Variants in LHX8 observed in about 807,000 individuals in gnomAD.
LHX8 encodes the protein LIM homeobox 8, also known as LIM/homeobox protein Lhx8.
LHX8 carries 12 observed loss-of-function variants against 40.3 expected under a neutral mutation model. The ratio of observed to expected loss-of-function variants is 0.30; its 90% CI spans 0.19 to 0.48. The LOEUF is 0.48. Ranked by LOEUF, LHX8 falls within the 20% of genes least tolerant of loss-of-function variation. LHX8 has a pLI of 0.99. For synonymous variants in LHX8, 179 were observed against 162.0 expected (o/e 1.10, Z -0.80); for missense variants, 344 against 433.7 (o/e 0.79, Z 1.84).
intron 3 of LHX8, 126 bp from the exon 4 acceptor site, chr1:75,140,859 T>G: frequency 2.2e-6 from 2 of 907,196 alleles, no homozygotes; most frequent in Non-Finnish European, 3.5e-6. Flanking sequence ...TGACATCTTT[T>G]GGATGAAAAC....
chr1:75,161,787 T>C (rs1440946485), downstream of LHX8, among the ~76,000 whole-genome samples: 1 of 152,048 alleles, frequency 6.6e-6, no homozygotes. Flanking sequence ...CGGAGGGTAT[T>C]ACAAGCCAGA....
chr1:75,168,561 CT>C, the LHX8 span, among the ~76,000 whole-genome samples: 1 of 152,134 alleles, frequency 6.6e-6, no homozygotes, highest in Non-Finnish European at 1.5e-5. Context: ...GGATAATCTG[CT>C]GTCAACCCCT....
the LHX8 span, among the ~76,000 whole-genome samples, chr1:75,185,606 C>A: frequency 6.6e-6 from 1 of 152,140 alleles, no homozygotes; most frequent in Non-Finnish European, 1.5e-5. Flanking sequence ...TGGGTAAAAG[C>A]TGGAAGTATT....
chr1:75,173,865 G>A, the LHX8 span, among the ~76,000 whole-genome samples: 1 of 152,038 alleles, frequency 6.6e-6, no homozygotes, highest in African/African-American at 2.4e-5. Context: ...TCCAACCATG[G>A]TAGCTTCTGG....
chr1:75,161,868 C>T (rs1648928853), downstream of LHX8, among the ~76,000 whole-genome samples: 1 of 152,024 alleles, frequency 6.6e-6, no homozygotes, highest in Non-Finnish European at 1.5e-5. Context: ...AGAGCAAGAA[C>T]TCTTTGCATT....
chr1:75,196,060 G>C, the LHX8 span, among the ~76,000 whole-genome samples: 1 of 152,148 alleles, frequency 6.6e-6, no homozygotes, highest in Admixed American at 6.6e-5. Context: ...TGAAGAGAAA[G>C]CAATGGACAG....
chr1:75,187,538 C>G, the LHX8 span, among the ~76,000 whole-genome samples: 1 of 152,142 alleles, frequency 6.6e-6, no homozygotes, highest in Non-Finnish European at 1.5e-5. Context: ...TCCTTCTCAT[C>G]ATCTCAATTC....
At chr1:75,166,467 T>C (rs950581351), downstream of LHX8, among the ~76,000 whole-genome samples, 4 of 152,168 alleles carry the variant, frequency 2.6e-5, no homozygotes, top group East Asian at 1.9e-4. Flanking sequence ...ATGGAAACCA[T>C]TGTTACAAAT....
rs1648908291 is a variant in LHX8, at chr1:75,161,152, A to G, written c.*257A>G. 2.3e-6 allele frequency: 1 copy of G among 441,944 alleles called. No homozygotes were observed. The highest frequency in any genetic ancestry group is 2.6e-5 in the South Asian group (1 of 38,744). The allele number at this position is 441,944 out of a possible 1,614,324, so 27.4% of individuals were successfully genotyped here. On this transcript the variant is annotated 3_prime_UTR_variant, in exon 9 of 9. Transcript: ENST00000356261. ...GTATTGTCTGGAAATAGTTCACTCT[A>G]GTGTGTATCTGTTAATTTATTTGTC...
rs1171007994 is a variant in LHX8, at chr1:75,136,428, G to C, written c.-12-175G>C. Among the ~76,000 whole-genome samples the C allele has an allele frequency of 2.6e-5, 4 of 151,734 alleles. No homozygotes were observed. The East Asian group carries it at 7.8e-4, about 30-fold the overall frequency. Reference sequence around the variant, plus strand: ...GCGGCCGCCAGCGGCCAGCGAAGGAGGCTGCGCGCCAGCCCGCCCGCGGCG... The same window carrying C: ...GCGGCCGCCAGCGGCCAGCGAAGGACGCTGCGCGCCAGCCCGCCCGCGGCG... On this transcript the variant is annotated intron_variant, in intron 1 of 8. Coordinates refer to ENST00000356261, the MANE Select transcript of LHX8 (RefSeq NM_001256114.2).
chr1:75,144,013 TC>T, intron 6 of LHX8, 65 bp downstream of exon 6: 1 of 1,224,850 alleles, frequency 8.2e-7, no homozygotes, highest in Non-Finnish European at 1.2e-6. Flanking sequence ...AAAAGTAACC[TC>T]CATGCTGCCC....
chr1:75,153,393 C>A (rs1327962170), intron 7 of LHX8, among the ~76,000 whole-genome samples: 4 of 151,226 alleles, frequency 2.6e-5, no homozygotes, highest in Non-Finnish European at 5.9e-5. Flanking sequence ...AGTGAGCCAT[C>A]ACGCCTGGCC....
upstream of LHX8, chr1:75,130,022 A>G (rs1647922543): frequency 6.5e-6 from 1 of 153,280 alleles, no homozygotes; most frequent in South Asian, 2.0e-4. Context: ...TATCATTCTA[A>G]ACAGTAAAAT....
chr1:75,149,955 G>T (rs944345441), intron 7 of LHX8, among the ~76,000 whole-genome samples: 4 of 152,196 alleles, frequency 2.6e-5, no homozygotes, highest in African/African-American at 7.2e-5. Context: ...AAGAGTAAAT[G>T]ACTCTGCCAG....
rs1648063841 is a variant in LHX8 at position 75,134,539 on chromosome 1, CGGGGG to C, written c.-427_-423del. Among the ~76,000 whole-genome samples, 1 of 88,740 alleles carries C rather than the reference CGGGGG, an allele frequency of 1.1e-5. No homozygotes were observed. Among genetic ancestry groups the C allele is most frequent in the Non-Finnish European group, 2.4e-5 (1 of 42,418 alleles). 58.2% of individuals were successfully genotyped at this position (88,740 alleles called of 152,430 possible). ...ATCAGCTTTTATTAGTGGATCGGGGCGGGGGAGGGGGGAGATCGGCAGACACGGAC... is the reference window on the plus strand; with the variant it reads ...ATCAGCTTTTATTAGTGGATCGGGGCAGGGGGGAGATCGGCAGACACGGAC... On this transcript the variant is annotated 5_prime_UTR_variant, in exon 1 of 9. Coordinates refer to ENST00000356261, the MANE Select transcript of LHX8 (RefSeq NM_001256114.2).
At chr1:75,144,086 A>G in intron 6 of LHX8, 138 bp downstream of exon 6, 1 of 691,138 alleles carries the variant, frequency 1.4e-6, no homozygotes, top group Non-Finnish European at 2.6e-6. Flanking sequence ...TAATTTGGTG[A>G]ATATATGAAA....
At chr1:75,145,274 C>G (rs1457093718) in intron 6 of LHX8, among the ~76,000 whole-genome samples, 3 of 152,026 alleles carry the variant, frequency 2.0e-5, no homozygotes, top group Non-Finnish European at 4.4e-5. Context: ...GAAAAATACT[C>G]AGTCACTAAA....
chr1:75,192,734 C>T, the LHX8 span, among the ~76,000 whole-genome samples: 61 of 152,042 alleles, frequency 4.0e-4, 1 homozygote, highest in African/African-American at 1.4e-3. Context: ...GCTGTGTTGC[C>T]CAGGCTGGAG....
At chr1:75,135,227 T>C (rs1648086404) in intron 1 of LHX8, among the ~76,000 whole-genome samples, 1 of 152,172 alleles carries the variant, frequency 6.6e-6, no homozygotes. Context: ...CTGAGTAGAC[T>C]GGGGAAGCTG....
Sources: allele counts gnomAD v4.1 joint callset (sites outside exome capture counted in the v4.1 genomes callset), GRCh38; gene constraint gnomAD v4.1.1; transcripts MANE v1.5; gene names NCBI Gene and HGNC (gene_info 2026-07-23, HGNC 2026-07-21).